GRM8: variants seen among roughly 807,000 people sequenced by gnomAD.
The protein encoded by GRM8 is metabotropic glutamate receptor 8.
GRM8 carries 47 observed loss-of-function variants against 87.2 expected under a neutral mutation model. That is an observed-to-expected ratio of 0.54 (90% CI 0.43 to 0.69). The LOEUF is 0.69. GRM8 is among the 30% of genes least tolerant of loss of function. The pLI is 0.00. For synonymous variants in GRM8, 396 were observed against 404.5 expected, an observed-to-expected ratio of 0.98 and a Z score of 0.25; for missense variants, 1,019 against 1,139.2, an observed-to-expected ratio of 0.89 and a Z score of 1.52.
intron 9 of GRM8, among the ~76,000 whole-genome samples, chr7:126,514,917 C>A (rs951732511): frequency 6.6e-6 from 1 of 151,954 alleles, no homozygotes; most frequent in African/African-American, 2.4e-5. Flanking sequence ...AATGAGCTAG[C>A]AAACTCAACT....
chr7:126,850,092 C>G (rs573270006), intron 6 of GRM8, among the ~76,000 whole-genome samples: 84 of 152,104 alleles, frequency 5.5e-4, no homozygotes, highest in Non-Finnish European at 7.6e-4. Context: ...CTTCCTTATC[C>G]TCTCCTGAAT....
At chr7:126,938,524 C>T (rs1336817843) in intron 3 of GRM8, among the ~76,000 whole-genome samples, 1 of 152,028 alleles carries the variant, frequency 6.6e-6, no homozygotes, top group Non-Finnish European at 1.5e-5. Context: ...AGGTGAGGAC[C>T]TAGAAACTGT....
chr7:127,242,573 G>C, intron 2 of GRM8, 122 bp downstream of exon 2: 1 of 866,904 alleles, frequency 1.2e-6, no homozygotes, highest in Middle Eastern at 2.4e-4. Flanking sequence ...TGAGGAACCT[G>C]GTAACACCAA....
At chr7:126,803,798 T>A (rs1229203036) in intron 6 of GRM8, among the ~76,000 whole-genome samples, 4 of 152,230 alleles carry the variant, frequency 2.6e-5, no homozygotes, top group African/African-American at 9.6e-5. Flanking sequence ...GTATTTATTC[T>A]CGTTAAACCT....
At chr7:127,026,550 A>G (rs552106381) in intron 3 of GRM8, among the ~76,000 whole-genome samples, 2 of 152,270 alleles carry the variant, frequency 1.3e-5, no homozygotes, top group South Asian at 2.1e-4. Context: ...TCTAACTGGC[A>G]TGAGATGGTA....
At chr7:126,596,502 G>T (rs1355974073) in intron 8 of GRM8, among the ~76,000 whole-genome samples, 1 of 152,070 alleles carries the variant, frequency 6.6e-6, no homozygotes, top group Admixed American at 6.6e-5. Flanking sequence ...TATTGATGGG[G>T]TTGTATAACA....
chr7:127,184,687 A>G (rs1333522630), intron 2 of GRM8, among the ~76,000 whole-genome samples: 1 of 151,966 alleles, frequency 6.6e-6, no homozygotes, highest in Non-Finnish European at 1.5e-5. Context: ...GGGGAGGACA[A>G]AATTAAATTG....
rs769216474 is a variant in GRM8, at chr7:126,533,347, G to A, written c.2035C>T (p.Gln679Ter). The change falls in exon 9 of 11, where the codon CAG becomes TAG. Residue 679 changes from glutamine to a stop codon, truncating the protein, a stop_gained. Transcript: ENST00000339582. LOFTEE classifies it high-confidence loss of function. The part of the protein sequence containing the change: ...KTNRIHRIFE[Q>*]GKKSVTAPKF... The stretch of plus-strand genomic sequence containing the variant: ...GGCGCTGTGACAGATTTCTTCCCCT[G>A]CTCAAATATTCGGTGGATACGGTTT... The A allele has an allele frequency of 6.2e-7, 1 of 1,613,794 alleles. No homozygotes were observed. Among genetic ancestry groups the A allele is most frequent in the South Asian group, 1.1e-5 (1 of 91,062 alleles).
chr7:126,606,278 A>G (rs1585200030), intron 8 of GRM8, among the ~76,000 whole-genome samples: 1 of 152,132 alleles, frequency 6.6e-6, no homozygotes, highest in Non-Finnish European at 1.5e-5. Context: ...CAGTAGACTC[A>G]TTATCTATCA....
chr7:126,560,720 A>T (rs1175777630), intron 8 of GRM8, among the ~76,000 whole-genome samples: 1 of 152,242 alleles, frequency 6.6e-6, no homozygotes, highest in Admixed American at 6.5e-5. Flanking sequence ...AAGTACTAGC[A>T]TTCCAATTTC....
chr7:126,896,933 A>G, intron 6 of GRM8, among the ~76,000 whole-genome samples: 1 of 152,178 alleles, frequency 6.6e-6, no homozygotes, highest in Non-Finnish European at 1.5e-5. Context: ...GAGCTCCTTG[A>G]GAGCAAGGGA....
At chr7:126,898,475 A>C (rs1250069509) in intron 6 of GRM8, among the ~76,000 whole-genome samples, 2 of 152,148 alleles carry the variant, frequency 1.3e-5, no homozygotes, top group African/African-American at 4.8e-5. Flanking sequence ...ATCACCCACA[A>C]TGGAATTTGC....
intron 9 of GRM8, among the ~76,000 whole-genome samples, chr7:126,473,422 A>G (rs112819850): frequency 0.028 from 4,220 of 152,228 alleles, 176 homozygotes; most frequent in African/African-American, 0.095. Flanking sequence ...TAGCCCCTTC[A>G]TTTTGGCGAA....
chr7:126,879,055 C>T lies in GRM8; in HGVS notation c.1156+23487G>A, dbSNP rs537787134. On this transcript the variant is annotated intron_variant, in intron 6 of 10. Transcript: ENST00000339582. ...GCGGGCCCCTGTAATCTCAGCTACT[C>T]GGGAGGCTGAGGCAGGAGAATTGCT... Among the ~76,000 whole-genome samples, 54 of 149,650 alleles carry T rather than the reference C, an allele frequency of 3.6e-4. No individual in the cohort carries two copies. In the East Asian group the frequency reaches 5.7e-3, roughly 16 times the overall value.
intron 7 of GRM8, among the ~76,000 whole-genome samples, chr7:126,754,456 G>A (rs1253773912): frequency 1.3e-5 from 2 of 151,728 alleles, no homozygotes; most frequent in Admixed American, 6.6e-5. Context: ...AACTGGCTCT[G>A]GAAACATTTT....
At chr7:127,030,349 G>A (rs1000132528) in intron 3 of GRM8, among the ~76,000 whole-genome samples, 1 of 152,044 alleles carries the variant, frequency 6.6e-6, no homozygotes, top group Non-Finnish European at 1.5e-5. Context: ...GGGCTTAGTG[G>A]TAAGGTTGGT....
At chr7:126,519,445 T>C (rs997377190) in intron 9 of GRM8, among the ~76,000 whole-genome samples, 4 of 152,144 alleles carry the variant, frequency 2.6e-5, no homozygotes. Flanking sequence ...GAATTAATTT[T>C]ACTTTAAGAA....
chr7:127,153,006 C>T (rs1423591215), intron 2 of GRM8, among the ~76,000 whole-genome samples: 1 of 152,096 alleles, frequency 6.6e-6, no homozygotes, highest in Admixed American at 6.6e-5. Flanking sequence ...GTATTTAACA[C>T]CCTCCCCATT....
chr7:126,621,731 T>TG (rs575760688), intron 7 of GRM8, among the ~76,000 whole-genome samples: 1 of 148,074 alleles, frequency 6.8e-6, no homozygotes, highest in East Asian at 2.0e-4. Context: ...AATCACCATT[T>TG]AAAAAAAAAA....
Sources: allele counts gnomAD v4.1 joint callset (sites outside exome capture counted in the v4.1 genomes callset), GRCh38; gene constraint gnomAD v4.1.1; transcripts MANE v1.5; gene names NCBI Gene and HGNC (gene_info 2026-07-23, HGNC 2026-07-21).